Variants in ETFDH observed in about 807,000 individuals in gnomAD.
ETFDH encodes electron transfer flavoprotein-ubiquinone oxidoreductase, mitochondrial.
A neutral mutation model predicts 73.2 loss-of-function variants in ETFDH; 61 were observed. That is an observed-to-expected ratio of 0.83 (90% CI 0.68 to 1.03). The LOEUF (loss-of-function observed/expected upper bound fraction) is 1.03. ETFDH is among the 50% of genes least tolerant of loss of function. The pLI, the probability that ETFDH is intolerant of heterozygous loss-of-function variation, is 0.00. For synonymous variants in ETFDH, 243 were observed against 253.3 expected (o/e 0.96, Z 0.39); for missense variants, 685 against 745.0 (o/e 0.92, Z 0.94).
At position 158,703,562 on chromosome 4, in the gene ETFDH, C is replaced by CTAGTG; in HGVS notation, c.1257_1261dup (p.Glu421ValfsTer10). 1 of 1,607,422 alleles carries CTAGTG rather than the reference C, an allele frequency of 6.2e-7. No homozygotes were observed. On this transcript the variant is annotated frameshift_variant, in exon 10 of 13. Transcript: ENST00000511912. LOFTEE classifies it high-confidence loss of function. ...GCAGAATCTATTTTTAATCAACTAACTAGTGAAAATCTCCAATCAAAGACA... is the reference window on the plus strand; with the variant it reads ...GCAGAATCTATTTTTAATCAACTAACTAGTGTAGTGAAAATCTCCAATCAAAGACA...
chr4:158,685,663 C>T (rs1325869886), intron 5 of ETFDH, among the ~76,000 whole-genome samples: 1 of 152,026 alleles, frequency 6.6e-6, no homozygotes, highest in Non-Finnish European at 1.5e-5. Flanking sequence ...TTGTCTCTGC[C>T]CTCTGAAGGT....
rs1323412469 is a variant in ETFDH, at chr4:158,703,441, T to C, written c.1135T>C (p.Phe379Leu). 3 of 1,611,796 alleles carry C rather than the reference T, an allele frequency of 1.9e-6. No individual in the cohort carries two copies. The highest frequency in any genetic ancestry group is 1.7e-5 in the Admixed American group (1 of 60,000). ...TCCTCAGTCTATACCAAAACTCACC[T>C]TTCCTGGTGGTTTACTAATTGGTTG... ...GGFQSIPKLT[F>L]PGGLLIGCSP... The change falls in exon 10 of 13, where the codon TTT (phenylalanine) becomes CTT (leucine). Residue 379 changes from phenylalanine (F) to leucine (L), a missense_variant. Physicochemically the swap from Phe to Leu is conservative, Grantham distance 22 (BLOSUM62 0). Around this residue, in one of 3 missense-constraint regions of ETFDH, gnomAD observed 79 missense variants for 120.5 expected, o/e 0.66. Coordinates refer to ENST00000511912, the MANE Select transcript of ETFDH (RefSeq NM_004453.4).
intron 5 of ETFDH, among the ~76,000 whole-genome samples, chr4:158,689,246 C>T (rs953394323): frequency 4.6e-5 from 7 of 152,056 alleles, no homozygotes; most frequent in Non-Finnish European, 8.8e-5. Flanking sequence ...ATTATACTTG[C>T]TGCTATAAAT....
chr4:158,680,514 C>T lies in ETFDH; in HGVS notation c.82C>T (p.Leu28=). The change falls in exon 2 of 13, where the codon CTA becomes TTA. Residue 28 remains leucine, a synonymous_variant. Transcript: ENST00000511912. ...ALKIKKNYLP[L]CATRWSSTST... ...AAAAATTAAGAAAAATTATCTACCT[C>T]TATGTGCTACAAGATGGTCTTCAAC... 1 of 1,602,238 alleles carries T rather than the reference C, an allele frequency of 6.2e-7. No individual in the cohort carries two copies. Among genetic ancestry groups the T allele is most frequent in the African/African-American group, 1.3e-5 (1 of 74,886 alleles).
chr4:158,677,360 G>A (rs546450841), intron 1 of ETFDH, among the ~76,000 whole-genome samples: 3 of 152,192 alleles, frequency 2.0e-5, no homozygotes, highest in Non-Finnish European at 2.9e-5. Flanking sequence ...GGAAAGGCAG[G>A]ACATCTCAAA....
chr4:158,706,405 T>C (rs1408769118), intron 11 of ETFDH, 34 bp downstream of exon 11: 10 of 1,530,372 alleles, frequency 6.5e-6, no homozygotes, highest in Non-Finnish European at 8.1e-6. Context: ...GACATGATCA[T>C]TAAAAATTCA....
chr4:158,687,985 G>C (rs896569313), intron 5 of ETFDH, among the ~76,000 whole-genome samples: 1 of 151,750 alleles, frequency 6.6e-6, no homozygotes, highest in African/African-American at 2.4e-5. Context: ...GGTTGCAGTG[G>C]GCCGAGATCA....
Position 158,706,708 on chromosome 4 carries a change from T to C in ETFDH, c.1548T>C (p.Phe516=), listed in dbSNP as rs1413432216. The change falls in exon 12 of 13, where the codon TTT becomes TTC. Residue 516 remains phenylalanine (F), a synonymous_variant. Transcript: ENST00000511912. The part of the protein sequence containing the change: ...EYPKPDGQIS[F]DLLSSVALSG... Reference sequence around the variant, plus strand: ...CAAAACCCGATGGACAGATCAGTTTTGACCTCTTGTCATCTGTGGCTCTGA... The same window carrying C: ...CAAAACCCGATGGACAGATCAGTTTCGACCTCTTGTCATCTGTGGCTCTGA... The C allele has an allele frequency of 6.2e-7, 1 of 1,614,014 alleles. No homozygotes were observed.
rs1347348808 is a variant in ETFDH at position 158,708,552 on chromosome 4, A to G, written c.*25A>G. On this transcript the variant is annotated 3_prime_UTR_variant, in exon 13 of 13. Transcript: ENST00000511912. The stretch of plus-strand genomic sequence containing the variant: ...AACTGCAGCTAGCCAGTTTCTTTCA[A>G]GTATGGCAAGCTAACGTTAAAATGT... 1.1e-5 allele frequency: 17 copies of G among 1,598,946 alleles called. No individual in the cohort carries two copies. Among genetic ancestry groups the G allele is most frequent in the Non-Finnish European group, 1.4e-5 (16 of 1,166,294 alleles).
chr4:158,679,944 G>C (rs1192702934), intron 1 of ETFDH: 2 of 151,374 alleles, frequency 1.3e-5, no homozygotes, highest in African/African-American at 4.9e-5. Flanking sequence ...AATTAGCTGG[G>C]TGTGGTGGTG....
In ETFDH at chr4:158,672,547, C is replaced by A. The variant is rs75443706; in HGVS notation, c.34+57C>A. 4,088 of 1,562,408 alleles carry A rather than the reference C, an allele frequency of 2.6e-3. 61 individuals carry two copies. The African/African-American group carries it at 0.037, about 14-fold the overall frequency. ...AGGAGTTAGGGCAAAAGGGACAAGG[C>A]CGGTCCTGGGGGCTGTAGGCACCTC... On this transcript the variant is annotated intron_variant, in intron 1 of 12. Coordinates refer to ENST00000511912, the MANE Select transcript of ETFDH (RefSeq NM_004453.4).
intron 1 of ETFDH, among the ~76,000 whole-genome samples, chr4:158,673,851 A>G (rs900405575): frequency 2.6e-5 from 4 of 152,214 alleles, no homozygotes; most frequent in Admixed American, 6.5e-5. Context: ...GTAGACACCA[A>G]TGTGCCATCA....
chr4:158,688,195 C>A (rs1474307520), intron 5 of ETFDH, among the ~76,000 whole-genome samples: 1 of 150,766 alleles, frequency 6.6e-6, no homozygotes, highest in African/African-American at 2.4e-5. Flanking sequence ...AGATCGAGAC[C>A]ATCCTGGCCA....
chr4:158,688,361 C>T (rs1436477000), intron 5 of ETFDH, among the ~76,000 whole-genome samples: 1 of 144,746 alleles, frequency 6.9e-6, no homozygotes, highest in African/African-American at 2.6e-5. Context: ...AACTGCACTC[C>T]AGCCTGGCAA....
chr4:158,674,862 A>G (rs1028730876), intron 1 of ETFDH, among the ~76,000 whole-genome samples: 4 of 152,050 alleles, frequency 2.6e-5, no homozygotes, highest in Non-Finnish European at 4.4e-5. Flanking sequence ...AGACATTTAT[A>G]TTTTTACCCT....
At chr4:158,708,330 A>G in intron 12 of ETFDH, 34 bp from the exon 13 acceptor site, 1 of 1,535,020 alleles carries the variant, frequency 6.5e-7, no homozygotes, top group Non-Finnish European at 9.0e-7. Context: ...TTTTAAAGTT[A>G]GGCACTTCAA....
chr4:158,684,473 A>G, intron 3 of ETFDH, 119 bp from the exon 4 acceptor site: 2 of 630,956 alleles, frequency 3.2e-6, no homozygotes, highest in Non-Finnish European at 5.7e-6. Context: ...AAATGCCAAA[A>G]GAAAATTAGG....
chr4:158,673,094 A>G (rs529914924), intron 1 of ETFDH, among the ~76,000 whole-genome samples: 278 of 152,320 alleles, frequency 1.8e-3, no homozygotes, highest in African/African-American at 6.3e-3. Context: ...ACCTGAGGTC[A>G]GGAGTTCAAG....
intron 5 of ETFDH, among the ~76,000 whole-genome samples, chr4:158,690,051 C>T (rs999253622): frequency 2.0e-5 from 3 of 152,136 alleles, no homozygotes; most frequent in Non-Finnish European, 2.9e-5. Flanking sequence ...ATCTGAAGGG[C>T]ACTTCTTGTT....
Sources: gnomAD v4.1 joint callset for allele counts (sites outside exome capture counted in the v4.1 genomes callset) on GRCh38, gnomAD v4.1.1 for gene constraint, gnomAD v4.1.1 regional missense constraint, MANE v1.5 for transcripts, NCBI Gene and HGNC (gene_info 2026-07-23, HGNC 2026-07-21) for gene names.